The following PRKG1 variants were observed in gnomAD, a reference collection of about 807,000 sequenced individuals.
PRKG1 encodes protein kinase cGMP-dependent 1.
A neutral mutation model predicts 88.1 loss-of-function variants in PRKG1; 35 were observed. The observed-to-expected ratio is 0.40, with a 90% CI of 0.30 to 0.53. PRKG1 has a LOEUF of 0.53. PRKG1 is among the 20% of genes least tolerant of loss of function. The pLI, the probability that PRKG1 is intolerant of heterozygous loss-of-function variation, is 0.59. For missense variants in PRKG1, 540 were observed against 839.8 expected, an observed-to-expected ratio of 0.64 and a Z score of 4.41; for synonymous variants, 303 against 292.5, an observed-to-expected ratio of 1.04 and a Z score of -0.37.
chr10:51,464,194 A>C (rs907850575), intron 2 of PRKG1, among the ~76,000 whole-genome samples: 5 of 151,974 alleles, frequency 3.3e-5, no homozygotes, highest in Non-Finnish European at 7.4e-5. Context: ...AGGCTGAAGC[A>C]GGGGAATTGC....
intron 2 of PRKG1, among the ~76,000 whole-genome samples, chr10:51,448,918 TG>T (rs551336362): frequency 1.7e-3 from 252 of 152,200 alleles, no homozygotes; most frequent in African/African-American, 5.9e-3. Flanking sequence ...AAGTATATTT[TG>T]TTTATTTTGA....
intron 7 of PRKG1, among the ~76,000 whole-genome samples, chr10:52,103,669 G>A (rs1847347406): frequency 6.6e-6 from 1 of 152,030 alleles, no homozygotes; most frequent in Non-Finnish European, 1.5e-5. Flanking sequence ...AAAGATATAT[G>A]TGGATTTTCT....
chr10:51,490,800 A>G (rs1030543625), intron 3 of PRKG1, among the ~76,000 whole-genome samples: 14 of 152,260 alleles, frequency 9.2e-5, no homozygotes, highest in East Asian at 3.9e-4. Context: ...CAACCGGGCT[A>G]TATCTATCTA....
chr10:51,779,859 T>A lies in PRKG1; in HGVS notation c.593-24726T>A, dbSNP rs547506167. On this transcript the variant is annotated intron_variant, in intron 3 of 17. Transcript: ENST00000373980. Reference sequence around the variant, plus strand: ...ACCATAGTCATTTCCTGGTTATTGATTTTGATGTTTTGCTACTTCATTTTA... The same window carrying A: ...ACCATAGTCATTTCCTGGTTATTGAATTTGATGTTTTGCTACTTCATTTTA... 5.9e-5 allele frequency among the ~76,000 whole-genome samples: 9 copies of A among 152,284 alleles called. No homozygotes were observed. In the South Asian group the frequency reaches 1.7e-3, roughly 28 times the overall value.
At chr10:51,489,668 T>C (rs981776633) in intron 3 of PRKG1, among the ~76,000 whole-genome samples, 1 of 152,144 alleles carries the variant, frequency 6.6e-6, no homozygotes, top group African/African-American at 2.4e-5. Context: ...ATTTGATATT[T>C]TTATATCAAA....
chr10:51,286,435 A>G (rs1302454853), intron 2 of PRKG1, among the ~76,000 whole-genome samples: 1 of 152,134 alleles, frequency 6.6e-6, no homozygotes. Context: ...TTCCCTTCTT[A>G]TAACATTTAT....
chr10:51,620,059 TTG>T (rs1446988476), intron 3 of PRKG1, among the ~76,000 whole-genome samples: 1 of 152,168 alleles, frequency 6.6e-6, no homozygotes, highest in East Asian at 1.9e-4. Context: ...TGAATGGTTG[TTG>T]TGTTTGGTAG....
chr10:51,447,495 G>A (rs1839308435), intron 2 of PRKG1, among the ~76,000 whole-genome samples: 1 of 151,976 alleles, frequency 6.6e-6, no homozygotes, highest in African/African-American at 2.4e-5. Flanking sequence ...AAGATAATCA[G>A]AAATATTACA....
chr10:52,280,544 C>A (rs1199859287), intron 12 of PRKG1, among the ~76,000 whole-genome samples: 1 of 152,050 alleles, frequency 6.6e-6, no homozygotes, highest in East Asian at 1.9e-4. Context: ...TTGAACTATT[C>A]TTTCAGCCCT....
chr10:52,064,116 CCTGT>C (rs1181083069), intron 7 of PRKG1, among the ~76,000 whole-genome samples: 3 of 152,184 alleles, frequency 2.0e-5, no homozygotes, highest in African/African-American at 7.2e-5. Flanking sequence ...TGCCCAGGAA[CCTGT>C]CTGCCTCCTG....
At chr10:52,062,501 G>C in intron 6 of PRKG1, 36 bp from the exon 7 acceptor site, 1 of 1,333,252 alleles carries the variant, frequency 7.5e-7, no homozygotes. Flanking sequence ...TTGTGGGTAA[G>C]CAGTGGATCT....
intron 17 of PRKG1, among the ~76,000 whole-genome samples, chr10:52,293,243 T>A (rs1416362323): frequency 2.6e-5 from 4 of 151,768 alleles, no homozygotes; most frequent in Non-Finnish European, 5.9e-5. Context: ...TACAACCCAC[T>A]GCTCAATGAA....
chr10:52,158,576 A>G (rs1252951173), intron 8 of PRKG1, among the ~76,000 whole-genome samples: 2 of 151,704 alleles, frequency 1.3e-5, no homozygotes, highest in Admixed American at 1.3e-4. Context: ...AGGGATCTGC[A>G]GACAGTGGCA....
intron 3 of PRKG1, among the ~76,000 whole-genome samples, chr10:51,802,435 A>T (rs1489120576): frequency 6.6e-6 from 1 of 152,142 alleles, no homozygotes; most frequent in Non-Finnish European, 1.5e-5. Context: ...CTGTCAATTT[A>T]TTTTTTAAAG....
At chr10:51,260,600 C>A (rs963051402) in intron 2 of PRKG1, among the ~76,000 whole-genome samples, 7 of 152,128 alleles carry the variant, frequency 4.6e-5, no homozygotes, top group Non-Finnish European at 8.8e-5. Context: ...TGGTGAAATG[C>A]AGATTGCTCC....
chr10:52,183,602 A>G (rs1351529156), intron 9 of PRKG1, among the ~76,000 whole-genome samples: 1 of 152,198 alleles, frequency 6.6e-6, no homozygotes, highest in Non-Finnish European at 1.5e-5. Context: ...TATGGCATTC[A>G]GCCACCCATG....
intron 4 of PRKG1, among the ~76,000 whole-genome samples, chr10:51,851,880 G>A (rs1489792910): frequency 1.3e-5 from 2 of 152,048 alleles, no homozygotes; most frequent in Non-Finnish European, 2.9e-5. Context: ...CATGAGTGCT[G>A]TCGTGGGAAG....
intron 3 of PRKG1, among the ~76,000 whole-genome samples, chr10:51,606,444 T>C (rs1487049424): frequency 3.3e-5 from 5 of 152,168 alleles, no homozygotes; most frequent in African/African-American, 1.2e-4. Flanking sequence ...ATGTATGTGG[T>C]TTATTTCACT....
intron 9 of PRKG1, among the ~76,000 whole-genome samples, chr10:52,207,434 C>T (rs1839848941): frequency 6.6e-6 from 1 of 152,170 alleles, no homozygotes; most frequent in African/African-American, 2.4e-5. Context: ...CAGTCAGGTA[C>T]TCAGATCAGA....
Sources: allele counts gnomAD v4.1 joint callset (sites outside exome capture counted in the v4.1 genomes callset), GRCh38; gene constraint gnomAD v4.1.1; transcripts MANE v1.5; gene names NCBI Gene and HGNC (gene_info 2026-07-23, HGNC 2026-07-21).